The following WDR17 variants were observed in gnomAD, a reference collection of about 807,000 sequenced individuals.
WDR17 encodes the protein WD repeat domain 17, also known as WD repeat-containing protein 17.
WDR17 carries 143 observed loss-of-function variants against 161.7 expected under a neutral mutation model. That is an observed-to-expected ratio of 0.88 (90% CI 0.77 to 1.02). The LOEUF (loss-of-function observed/expected upper bound fraction) is 1.02. Among genes scored for constraint, WDR17 ranks in the 50% least tolerant of loss-of-function variants. WDR17 has a pLI of 0.00. For synonymous variants in WDR17, 517 were observed against 515.6 expected (o/e 1.00, Z -0.04); for missense variants, 1,469 against 1,520.9 (o/e 0.97, Z 0.57).
At chr4:176,120,285 G>GC in intron 4 of WDR17, among the ~76,000 whole-genome samples, 188 bp downstream of exon 4, 1 of 87,052 alleles carries the variant, frequency 1.1e-5, no homozygotes, top group East Asian at 3.6e-4. Context: ...TTCATTTGAA[G>GC]TTTTATATAT....
chr4:176,144,666 G>A (rs1561172713), intron 11 of WDR17, among the ~76,000 whole-genome samples: 1 of 152,008 alleles, frequency 6.6e-6, no homozygotes, highest in Non-Finnish European at 1.5e-5. Context: ...TTACTACCAA[G>A]CATATCTAAT....
chr4:176,078,294 T>A (rs1734310119), intron 1 of WDR17, among the ~76,000 whole-genome samples: 1 of 152,048 alleles, frequency 6.6e-6, no homozygotes, highest in African/African-American at 2.4e-5. Flanking sequence ...CACTGAACCA[T>A]TAAAATGGCT....
intron 26 of WDR17, among the ~76,000 whole-genome samples, chr4:176,175,115 AT>A (rs1463115791): frequency 6.6e-6 from 1 of 152,160 alleles, no homozygotes; most frequent in African/African-American, 2.4e-5. Context: ...TTACGACTAC[AT>A]TCTGAGTAGG....
chr4:176,175,271 A>G (rs1223339454), intron 26 of WDR17, among the ~76,000 whole-genome samples: 3 of 152,336 alleles, frequency 2.0e-5, no homozygotes, highest in East Asian at 1.9e-4. Flanking sequence ...TTCAATCTCT[A>G]CAGCAGAAAA....
In WDR17 at chr4:176,149,375, T is replaced by A. The variant is rs574332390; in HGVS notation, c.1898-432T>A. ...ACCTTCACCTCCCAGGTTCAAGAGA[T>A]CCTCCCACCTTAGCCTTCCAAGTAG... On this transcript the variant is annotated intron_variant, in intron 13 of 28. Coordinates refer to ENST00000508596, the MANE Select transcript of WDR17 (RefSeq NM_181265.4). Among the ~76,000 whole-genome samples, 18 of 152,136 alleles carry A rather than the reference T, an allele frequency of 1.2e-4. 1 individual carries two copies. The highest frequency in any genetic ancestry group is 4.3e-4 in the African/African-American group (18 of 41,504).
At chr4:176,164,981 T>G (rs1274903963) in intron 22 of WDR17, among the ~76,000 whole-genome samples, 1 of 149,264 alleles carries the variant, frequency 6.7e-6, no homozygotes, top group Non-Finnish European at 1.5e-5. Context: ...GATTTCATGC[T>G]AAAAGTCATC....
chr4:176,163,398 A>C, intron 22 of WDR17, 105 bp downstream of exon 22: 1 of 1,245,706 alleles, frequency 8.0e-7, no homozygotes, highest in Non-Finnish European at 1.1e-6. Flanking sequence ...ATATAGGATC[A>C]CCTTGTTTAT....
chr4:176,066,689 C>A (rs934562117), intron 1 of WDR17, among the ~76,000 whole-genome samples: 1 of 151,906 alleles, frequency 6.6e-6, no homozygotes, highest in Admixed American at 6.6e-5. Context: ...TAATTAAAAG[C>A]AATTGATTCG....
chr4:176,131,773 A>T, intron 7 of WDR17, 35 bp downstream of exon 7: 1 of 1,468,348 alleles, frequency 6.8e-7, no homozygotes, highest in Non-Finnish European at 9.1e-7. Flanking sequence ...TATACATAAT[A>T]GTTTTTTGTG....
chr4:176,104,812 G>T (rs1382760255), intron 1 of WDR17, among the ~76,000 whole-genome samples: 1 of 151,996 alleles, frequency 6.6e-6, no homozygotes, highest in African/African-American at 2.4e-5. Flanking sequence ...CAAAAGCGTT[G>T]CAGGAAATGA....
chr4:176,071,044 A>G (rs1016336215), intron 1 of WDR17, among the ~76,000 whole-genome samples: 39 of 151,964 alleles, frequency 2.6e-4, no homozygotes, highest in African/African-American at 8.5e-4. Context: ...ACAAAACCCA[A>G]CTCACAAACC....
At chr4:176,084,560 A>G (rs1330069073) in intron 1 of WDR17, among the ~76,000 whole-genome samples, 1 of 151,784 alleles carries the variant, frequency 6.6e-6, no homozygotes, top group East Asian at 1.9e-4. Context: ...ATAAGTTTGT[A>G]ACCATAATAT....
intron 21 of WDR17, among the ~76,000 whole-genome samples, chr4:176,162,688 A>T (rs1294186434): frequency 6.6e-6 from 1 of 152,228 alleles, no homozygotes; most frequent in Non-Finnish European, 1.5e-5. Context: ...TATATTTTTA[A>T]GGTACTTTCC....
At chr4:176,106,678 G>A (rs536218015) in intron 1 of WDR17, among the ~76,000 whole-genome samples, 11 of 152,306 alleles carry the variant, frequency 7.2e-5, no homozygotes, top group Admixed American at 3.3e-4. Context: ...CACTGGCCAG[G>A]CATGGTGGCT....
intron 6 of WDR17, among the ~76,000 whole-genome samples, chr4:176,130,814 T>C (rs1743321754): frequency 6.6e-6 from 1 of 152,116 alleles, no homozygotes. Context: ...CGATTGGTCT[T>C]ATAATTTACT....
intron 1 of WDR17, among the ~76,000 whole-genome samples, chr4:176,097,999 G>T (rs533697698): frequency 6.6e-6 from 1 of 151,968 alleles, no homozygotes; most frequent in East Asian, 1.9e-4. Flanking sequence ...TATAGAAATA[G>T]ATTGACCCTA....
At chr4:176,075,033 T>A (rs953165604) in intron 1 of WDR17, among the ~76,000 whole-genome samples, 1 of 152,090 alleles carries the variant, frequency 6.6e-6, no homozygotes. Flanking sequence ...TAGGTATATA[T>A]TAATTTTTAA....
In WDR17 at chr4:176,150,119, A is replaced by G; in HGVS notation, c.2124A>G (p.Lys708=). ...GAGATATTAGACAGGAAATAGAAAA[A>G]CTAACTGCTAATTCTCAAGTGAAAA... is the stretch of plus-strand genomic sequence containing the variant. ...VSRDIRQEIE[K]LTANSQVKKL... Residue 708 remains lysine, a synonymous_variant, in exon 15 of 29, where the codon AAA becomes AAG. Coordinates refer to ENST00000508596, the MANE Select transcript of WDR17 (RefSeq NM_181265.4). The G allele has an allele frequency of 6.2e-7, 1 of 1,613,904 alleles. No homozygotes were observed. The highest frequency in any genetic ancestry group is 8.5e-7 in the Non-Finnish European group (1 of 1,179,940).
In WDR17 at chr4:176,135,429, G is replaced by A; in HGVS notation, c.1267+153G>A. 4.5e-6 allele frequency: 4 copies of A among 887,680 alleles called. No individual in the cohort carries two copies. In the South Asian group the frequency reaches 5.2e-5, roughly 11 times the overall value. 55.0% of individuals were successfully genotyped at this position (887,680 alleles called of 1,614,324 possible). On this transcript the variant is annotated intron_variant, in intron 8 of 28. Coordinates refer to ENST00000508596, the MANE Select transcript of WDR17 (RefSeq NM_181265.4). ...ACATATTTGTTGATTCTCTTTTTGC[G>A]AGGTTTAAGAAGAGTCTATCTGCAG...
Sources: gnomAD v4.1 joint callset for allele counts (sites outside exome capture counted in the v4.1 genomes callset) on GRCh38, gnomAD v4.1.1 for gene constraint, MANE v1.5 for transcripts, NCBI Gene and HGNC (gene_info 2026-07-23, HGNC 2026-07-21) for gene names.